The following TRIM21 variants were observed in gnomAD, a reference collection of about 807,000 sequenced individuals.
TRIM21 encodes E3 ubiquitin-protein ligase TRIM21.
A neutral mutation model predicts 36.1 loss-of-function variants in TRIM21; 35 were observed. That is an observed-to-expected ratio of 0.97 (90% CI 0.74 to 1.28). The LOEUF (loss-of-function observed/expected upper bound fraction) is 1.28, where lower values mean the gene tolerates loss of function less well. Among genes scored for constraint, TRIM21 ranks in the 50% most tolerant of loss-of-function variants. The pLI, the probability that TRIM21 is intolerant of heterozygous loss-of-function variation, is 0.00. For missense variants in TRIM21, 635 were observed against 570.7 expected, an observed-to-expected ratio of 1.11 and a Z score of -1.15; for synonymous variants, 256 against 211.5, an observed-to-expected ratio of 1.21 and a Z score of -1.83.
chr11:4,389,392 C>A (rs2094960057), intron 3 of TRIM21, among the ~76,000 whole-genome samples: 1 of 152,204 alleles, frequency 6.6e-6, no homozygotes, highest in South Asian at 2.1e-4. Flanking sequence ...GAGCTCGAAA[C>A]TTTAGGGTAT....
chr11:4,386,144 G>C lies in TRIM21; in HGVS notation c.859+13C>G, dbSNP rs1433267470. Reference sequence around the variant, plus strand: ...CACCCCATTATCCCCCGCAAAACTAGAACTTGCCTCACCTGCACATGTCCT... The same window carrying C: ...CACCCCATTATCCCCCGCAAAACTACAACTTGCCTCACCTGCACATGTCCT... On this transcript the variant is annotated intron_variant, in intron 6 of 6. Coordinates refer to ENST00000254436, the MANE Select transcript of TRIM21 (RefSeq NM_003141.4). 1.9e-6 allele frequency: 3 copies of C among 1,612,172 alleles called. No individual in the cohort carries two copies. Among genetic ancestry groups the C allele is most frequent in the Middle Eastern group, 2.0e-4 (1 of 4,960 alleles).
In TRIM21 at chr11:4,386,037, T is replaced by C. The variant is rs78007308; in HGVS notation, c.859+120A>G. On this transcript the variant is annotated intron_variant, in intron 6 of 6. Coordinates refer to ENST00000254436, the MANE Select transcript of TRIM21 (RefSeq NM_003141.4). ...CTCTGAAGAAACCATCTTCCTTACCTCCATCTCTGTTCCCCCTGCTCTGAC... is the reference window on the plus strand; with the variant it reads ...CTCTGAAGAAACCATCTTCCTTACCCCCATCTCTGTTCCCCCTGCTCTGAC... 9.6e-4 allele frequency: 1,068 copies of C among 1,108,520 alleles called. 1 individual carries two copies. In the East Asian group the frequency reaches 0.026, roughly 27 times the overall value. 68.7% of individuals were successfully genotyped at this position (1,108,520 alleles called of 1,614,324 possible).
chr11:4,389,491 C>G (rs561736626), intron 3 of TRIM21, among the ~76,000 whole-genome samples, 163 bp downstream of exon 3: 2 of 152,252 alleles, frequency 1.3e-5, no homozygotes, highest in Non-Finnish European at 2.9e-5. Flanking sequence ...ATTTTTATTC[C>G]CCTCTATTTG....
chr11:4,387,265 T>TTTTC (rs1554891703), intron 4 of TRIM21, among the ~76,000 whole-genome samples: 5 of 149,812 alleles, frequency 3.3e-5, no homozygotes, highest in Non-Finnish European at 3.0e-5. Flanking sequence ...TTTTTTTTTT[T>TTTTC]CCCCAGGGGA....
At position 4,385,865 on chromosome 11, in the gene TRIM21, G is replaced by C; in HGVS notation, c.860-12C>G. 6.3e-7 allele frequency: 1 copy of C among 1,595,268 alleles called. No individual in the cohort carries two copies. The highest frequency in any genetic ancestry group is 8.5e-7 in the Non-Finnish European group (1 of 1,169,928). On this transcript the variant is annotated splice_polypyrimidine_tract_variant and intron_variant, in intron 6 of 6. Coordinates refer to ENST00000254436, the MANE Select transcript of TRIM21 (RefSeq NM_003141.4). ...CAGAGTGATGTGGACTGCAGAGAGA[G>C]GACCACAGTCAGGCCTTGCATGGGG...
At position 4,390,046 on chromosome 11, in the gene TRIM21, C is replaced by A; in HGVS notation, c.364G>T (p.Asp122Tyr). Residue 122 changes from aspartate to tyrosine, a missense_variant, in exon 2 of 7, where the codon GAC becomes TAC. Transcript: ENST00000254436. ...TCCTCAAGAGGGACCATGGCGTGGT[C>A]ACGGTGTTTCCGAGACTGGGCACAT... is the stretch of plus-strand genomic sequence containing the variant. The part of the protein sequence containing the change: ...WVCAQSRKHR[D>Y]HAMVPLEEAA... 1 of 1,614,000 alleles carries A rather than the reference C, an allele frequency of 6.2e-7. No individual in the cohort carries two copies. Among genetic ancestry groups the A allele is most frequent in the South Asian group, 1.1e-5 (1 of 91,076 alleles).
chr11:4,386,042 C>A lies in TRIM21; in HGVS notation c.859+115G>T. 3.5e-6 allele frequency: 4 copies of A among 1,138,410 alleles called. No homozygotes were observed. In the South Asian group the frequency reaches 4.2e-5, roughly 12 times the overall value. The allele number at this position is 1,138,410 out of a possible 1,614,324, so 70.5% of individuals were successfully genotyped here. A position where few individuals can be genotyped will look rare whatever the true frequency, so the allele number is the denominator to read the frequency against. On this transcript the variant is annotated intron_variant, in intron 6 of 6. Transcript: ENST00000254436. Reference sequence around the variant, plus strand: ...AAGAAACCATCTTCCTTACCTCCATCTCTGTTCCCCCTGCTCTGACCTGCC... The same window carrying A: ...AAGAAACCATCTTCCTTACCTCCATATCTGTTCCCCCTGCTCTGACCTGCC...
rs2094960998 is a variant in TRIM21 at position 4,390,002 on chromosome 11, C to T, written c.408G>A (p.Gln136=). ...VPLEEAAQEY[Q]EKLQVALGEL... The stretch of plus-strand genomic sequence containing the variant: ...TCACCAGGTGTCTCTTAGGCCTCAC[C>T]TGGTACTCCTGTGCAGCCTCCTCAA... Residue 136 remains glutamine, a splice_region_variant and synonymous_variant, in exon 2 of 7, where the codon CAG becomes CAA. Transcript: ENST00000254436. 1 of 1,613,238 alleles carries T rather than the reference C, an allele frequency of 6.2e-7. No individual in the cohort carries two copies. Among genetic ancestry groups the T allele is most frequent in the African/African-American group, 1.3e-5 (1 of 74,912 alleles).
At chr11:4,389,854 G>A in intron 2 of TRIM21, 105 bp from the exon 3 acceptor site, 2 of 1,490,806 alleles carry the variant, frequency 1.3e-6, no homozygotes, top group Non-Finnish European at 1.9e-6. Flanking sequence ...TGGGGAATGA[G>A]GTTGGGTTTA....
chr11:4,390,282 A>C lies in TRIM21; in HGVS notation c.128T>G (p.Val43Gly), dbSNP rs759524568. 6.2e-7 allele frequency: 1 copy of C among 1,613,606 alleles called. No homozygotes were observed. Among genetic ancestry groups the C allele is most frequent in the East Asian group, 2.2e-5 (1 of 44,886 alleles). The change falls in exon 2 of 7, where the codon GTT (valine) becomes GGT (glycine). Residue 43 changes from valine to glycine, a missense_variant. Coordinates refer to ENST00000254436, the MANE Select transcript of TRIM21 (RefSeq NM_003141.4). ...ACAGACGCTGCCCCCACCTTTCCCA[A>C]CCTGAGAGATGCATTCCTGGCAGAA... ...HSFCQECISQ[V>G]GKGGGSVCPV... is the part of the protein sequence containing the mutation.
rs1346684966 is a variant in TRIM21 at position 4,385,339 on chromosome 11, G to A, written c.1374C>T (p.Ala458=). The change falls in exon 7 of 7, where the codon GCC becomes GCT. Residue 458 remains alanine (A), a synonymous_variant. Transcript: ENST00000254436. ...PGFNDGGKNT[A]PLTLCPLNIG... is the part of the protein sequence containing the mutation. ...TATTCAGTGGACAGAGGGTTAGAGG[G>A]GCTGTGTTTTTTCCTCCATCATTGA... 1.9e-6 allele frequency: 3 copies of A among 1,613,596 alleles called. No homozygotes were observed. Among genetic ancestry groups the A allele is most frequent in the East Asian group, 2.2e-5 (1 of 44,872 alleles).
intron 3 of TRIM21, among the ~76,000 whole-genome samples, chr11:4,389,155 T>G (rs2094959866): frequency 2.0e-5 from 3 of 152,176 alleles, no homozygotes; most frequent in Non-Finnish European, 4.4e-5. Flanking sequence ...GCCCCACCTC[T>G]CCTAGGAAAT....
At chr11:4,386,094 C>T (rs887756608) in intron 6 of TRIM21, 63 bp downstream of exon 6, 2 of 1,500,000 alleles carry the variant, frequency 1.3e-6, no homozygotes, top group African/African-American at 2.8e-5. Context: ...GCCATCCAGG[C>T]TCCCTGACCC....
rs752141663 is a variant in TRIM21, at chr11:4,388,383, G to C, written c.652C>G (p.Leu218Val). ...LRILGEKEAKLAQQSQALQEL... is the reference protein window; with the variant it reads ...LRILGEKEAKVAQQSQALQEL... ...TGTAGGGCCTGGCTCTGCTGGGCCA[G>C]CTTGGCCTCTTTCTCCCCCAGGATT... The change falls in exon 4 of 7, where the codon CTG becomes GTG. Residue 218 changes from leucine (L) to valine (V), a missense_variant. Physicochemically the swap from Leu to Val is conservative, Grantham distance 32. Transcript: ENST00000254436. 1.2e-6 allele frequency: 2 copies of C among 1,613,978 alleles called. No individual in the cohort carries two copies. The highest frequency in any genetic ancestry group is 2.2e-5 in the East Asian group (1 of 44,860).
chr11:4,391,701 A>G (rs1411616927), intron 1 of TRIM21, among the ~76,000 whole-genome samples: 1 of 152,236 alleles, frequency 6.6e-6, no homozygotes, highest in East Asian at 1.9e-4. Context: ...ATATATGGAT[A>G]AAGAAAATGT....
At chr11:4,387,419 G>A (rs755107368) in intron 4 of TRIM21, among the ~76,000 whole-genome samples, 40 of 152,118 alleles carry the variant, frequency 2.6e-4, no homozygotes, top group Admixed American at 6.6e-5. Context: ...GGAAAGGTTG[G>A]TTAGTTAAAG....
Position 4,388,391 on chromosome 11 carries a change from T to G in TRIM21, c.644A>C (p.Glu215Ala). The change falls in exon 4 of 7, where the codon GAG becomes GCG. Residue 215 changes from glutamate (E) to alanine (A), a missense_variant. By Grantham distance (107) the Glu-to-Ala change is moderately radical. Transcript: ENST00000254436. ...CTGGCTCTGCTGGGCCAGCTTGGCC[T>G]CTTTCTCCCCCAGGATTCTCAGCTG... Reference protein sequence around the residue: ...REQLRILGEKEAKLAQQSQAL... With the variant: ...REQLRILGEKAAKLAQQSQAL... 6.2e-7 allele frequency: 1 copy of G among 1,613,990 alleles called. No homozygotes were observed. The highest frequency in any genetic ancestry group is 8.5e-7 in the Non-Finnish European group (1 of 1,179,892).
rs576442924 is a variant in TRIM21, at chr11:4,387,351, C to T, written c.736-361G>A. Among the ~76,000 whole-genome samples the T allele has an allele frequency of 2.6e-5, 4 of 152,014 alleles. No homozygotes were observed. The South Asian group carries it at 6.2e-4, about 24-fold the overall frequency. On this transcript the variant is annotated intron_variant, in intron 4 of 6. Transcript: ENST00000254436. Reference sequence around the variant, plus strand: ...GAAACAATCACAGGCAGAGAATGGCCGAGTTCAGGTGTCCAGAAACCACTC... The same window carrying T: ...GAAACAATCACAGGCAGAGAATGGCTGAGTTCAGGTGTCCAGAAACCACTC...
intron 5 of TRIM21, 83 bp from the exon 6 acceptor site, chr11:4,386,340 G>C (rs141711076): frequency 8.7e-7 from 1 of 1,153,734 alleles, no homozygotes; most frequent in Admixed American, 1.9e-5. Flanking sequence ...GGAGGACTCC[G>C]ATAATTTAAT....
Sources: gnomAD v4.1 joint callset for allele counts (sites outside exome capture counted in the v4.1 genomes callset) on GRCh38, gnomAD v4.1.1 for gene constraint, MANE v1.5 for transcripts, NCBI Gene and HGNC (gene_info 2026-07-23, HGNC 2026-07-21) for gene names.